ANGPTL6: variants seen among roughly 807,000 people sequenced by gnomAD.
ANGPTL6 encodes angiopoietin-related protein 6.
A neutral mutation model predicts 47.4 loss-of-function variants in ANGPTL6; 45 were observed. That is an observed-to-expected ratio of 0.95 (90% CI 0.75 to 1.22). The LOEUF is 1.22. ANGPTL6 is among the 50% of genes most tolerant of loss of function. ANGPTL6 has a pLI of 0.00. For synonymous variants in ANGPTL6, 290 were observed against 295.9 expected (o/e 0.98, Z 0.20); for missense variants, 698 against 669.4 (o/e 1.04, Z -0.47).
Position 10,092,786 on chromosome 19 carries a change from G to GGA in ANGPTL6, c.1223-9_1223-8dup, listed in dbSNP as rs759925335. 6 of 1,587,458 alleles carry GGA rather than the reference G, an allele frequency of 3.8e-6. No homozygotes were observed. Among genetic ancestry groups the GGA allele is most frequent in the East Asian group, 2.3e-5 (1 of 44,248 alleles). On this transcript the variant is annotated splice_polypyrimidine_tract_variant and splice_region_variant and intron_variant, in intron 5 of 5. Coordinates refer to ENST00000253109, the MANE Select transcript of ANGPTL6 (RefSeq NM_031917.3). ...TGGTACAGGGCACAGTTACCTGAGG[G>GGA]GAGAGAGAGAGTCCATGTCCTCTCA...
intron 1 of ANGPTL6, among the ~76,000 whole-genome samples, chr19:10,099,395 T>C: frequency 6.6e-6 from 1 of 151,846 alleles, no homozygotes; most frequent in East Asian, 1.9e-4. Flanking sequence ...GCTAACACAG[T>C]GAAACCCCGT....
Position 10,096,469 on chromosome 19 carries a change from A to ACGAAGGTGTAGGTGCAGCG in ANGPTL6, c.76_94dup (p.Val32AlafsTer187). On this transcript the variant is annotated frameshift_variant, in exon 2 of 6. Coordinates refer to ENST00000253109, the MANE Select transcript of ANGPTL6 (RefSeq NM_031917.3). LOFTEE classifies it high-confidence loss of function. ...GCCCGTGAACTTCTGCGGGGGCAGC[A>ACGAAGGTGTAGGTGCAGCG]CGAAGGTGTAGGTGCAGCGCGGGGC... The ACGAAGGTGTAGGTGCAGCG allele has an allele frequency of 6.7e-7, 1 of 1,489,840 alleles. No individual in the cohort carries two copies. The highest frequency in any genetic ancestry group is 1.2e-5 in the South Asian group (1 of 80,604). 92.3% of individuals were successfully genotyped at this position (1,489,840 alleles called of 1,614,324 possible). A position where few individuals can be genotyped will look rare whatever the true frequency, so the allele number is the denominator to read the frequency against.
Position 10,096,015 on chromosome 19 carries a change from G to A in ANGPTL6, c.549C>T (p.Arg183=). 1 of 1,365,162 alleles carries A rather than the reference G, an allele frequency of 7.3e-7. No individual in the cohort carries two copies. Among genetic ancestry groups the A allele is most frequent in the Non-Finnish European group, 9.5e-7 (1 of 1,054,056 alleles). The allele number at this position is 1,365,162 out of a possible 1,614,324, so 84.6% of individuals were successfully genotyped here. The part of the protein sequence containing the change: ...QQSSLIARLE[R]LCPGGAGGQQ... ...GCCCGCCCGCGCCTCCCGGGCACAG[G>A]CGCTCCAGGCGGGCGATGAGACTGC... Residue 183 remains arginine (R), a synonymous_variant, in exon 2 of 6, where the codon CGC becomes CGT. Coordinates refer to ENST00000253109, the MANE Select transcript of ANGPTL6 (RefSeq NM_031917.3).
At chr19:10,103,230 A>T (rs1433822489), upstream of ANGPTL6, among the ~76,000 whole-genome samples, 1 of 151,628 alleles carries the variant, frequency 6.6e-6, no homozygotes, top group African/African-American at 2.4e-5. Context: ...GCTGTCACAC[A>T]CATATGGGCA....
At chr19:10,096,610 C>A (rs1233694777) in intron 1 of ANGPTL6, 37 bp from the exon 2 acceptor site, 3 of 1,431,722 alleles carry the variant, frequency 2.1e-6, no homozygotes, top group Non-Finnish European at 1.8e-6. Flanking sequence ...AGACGGGGTG[C>A]TGGGGCCCAG....
At position 10,096,080 on chromosome 19, in the gene ANGPTL6, C is replaced by T; in HGVS notation, c.484G>A (p.Val162Ile). 6.7e-7 allele frequency: 1 copy of T among 1,492,478 alleles called. No homozygotes were observed. Among genetic ancestry groups the T allele is most frequent in the Non-Finnish European group, 8.9e-7 (1 of 1,122,870 alleles). The allele number at this position is 1,492,478 out of a possible 1,614,324, so 92.5% of individuals were successfully genotyped here. A position where few individuals can be genotyped will look rare whatever the true frequency, so the allele number is the denominator to read the frequency against. The change falls in exon 2 of 6, where the codon GTC becomes ATC. Residue 162 changes from valine (V) to isoleucine (I), a missense_variant. By Grantham distance (29) the Val-to-Ile change is conservative. Transcript: ENST00000253109. ...RAAARFHQLD[V>I]KFRELAQLVT... ...AGCTGCGCCAGCTCGCGGAACTTGA[C>T]GTCCAGCTGGTGGAACCGGGCGGCT...
chr19:10,103,418 C>T (rs554096165), upstream of ANGPTL6, among the ~76,000 whole-genome samples: 49 of 151,508 alleles, frequency 3.2e-4, no homozygotes, highest in African/African-American at 1.1e-3. Flanking sequence ...GCTAAAACCC[C>T]GTCTCTACTA....
At chr19:10,094,976 C>T (rs2088494326) in intron 2 of ANGPTL6, 38 bp from the exon 3 acceptor site, 3 of 1,553,794 alleles carry the variant, frequency 1.9e-6, no homozygotes, top group Non-Finnish European at 2.6e-6. Context: ...ATTGCACTAA[C>T]CCTCAGGCCA....
At chr19:10,093,947 AAGATTCTCACAGGTCCTCTCACC>A in intron 3 of ANGPTL6, 67 bp from the exon 4 acceptor site, 1 of 1,529,840 alleles carries the variant, frequency 6.5e-7, no homozygotes, top group Non-Finnish European at 8.9e-7. Flanking sequence ...AGCAAGAGTC[AAGATTCTCACAGGTCCTCTCACC>A]AGAATAAGAG....
chr19:10,104,018 G>A (rs540598217), upstream of ANGPTL6, among the ~76,000 whole-genome samples: 24 of 150,582 alleles, frequency 1.6e-4, no homozygotes, highest in Admixed American at 2.6e-4. Flanking sequence ...GCTTGAACCC[G>A]GGGGGCGGAG....
rs1275820233 is a variant in ANGPTL6 at position 10,102,666 on chromosome 19, G to A, written c.-109C>T. On this transcript the variant is annotated 5_prime_UTR_variant, in exon 1 of 6. Transcript: ENST00000253109. ...CAGTGGGGCCTCTGAGCTAGAGACG[G>A]GGAGAGGGCAGTGGGACAGAAGGAG... 8.1e-6 allele frequency: 8 copies of A among 984,710 alleles called. No homozygotes were observed. The African/African-American group carries it at 1.2e-4, about 15-fold the overall frequency. The allele number at this position is 984,710 out of a possible 1,614,324, so 61.0% of individuals were successfully genotyped here.
chr19:10,093,358 A>C lies in ANGPTL6; in HGVS notation c.1213T>G (p.Ser405Ala), dbSNP rs180970213. ...PFSTVDRDRD[S>A]YSGNCALYQR... Reference sequence around the variant, plus strand: ...TAGGAGTTCTCCTTACCAGAATAGGAGTCTCGGTCCCTATCCACGGTGCTG... The same window carrying C: ...TAGGAGTTCTCCTTACCAGAATAGGCGTCTCGGTCCCTATCCACGGTGCTG... The change falls in exon 5 of 6, where the codon TCC becomes GCC. Residue 405 changes from serine (S) to alanine (A), a missense_variant. By Grantham distance (99) the Ser-to-Ala change is moderately conservative (BLOSUM62 1). Coordinates refer to ENST00000253109, the MANE Select transcript of ANGPTL6 (RefSeq NM_031917.3). 2 of 1,612,722 alleles carry C rather than the reference A, an allele frequency of 1.2e-6. No homozygotes were observed. The highest frequency in any genetic ancestry group is 4.5e-5 in the East Asian group (2 of 44,824).
chr19:10,094,580 C>T (rs1259955026), intron 3 of ANGPTL6, 178 bp downstream of exon 3: 2 of 769,254 alleles, frequency 2.6e-6, no homozygotes, highest in Non-Finnish European at 4.2e-6. Flanking sequence ...AGTAAGAGTC[C>T]CTCCTCTTCT....
chr19:10,095,033 C>G, intron 2 of ANGPTL6, 95 bp from the exon 3 acceptor site: 2 of 1,279,526 alleles, frequency 1.6e-6, no homozygotes, highest in Non-Finnish European at 2.1e-6. Flanking sequence ...TCTCCCAGCT[C>G]CCAAATGACC....
chr19:10,103,178 G>A (rs1033527612), upstream of ANGPTL6, among the ~76,000 whole-genome samples: 1 of 151,764 alleles, frequency 6.6e-6, no homozygotes, highest in African/African-American at 2.4e-5. Context: ...ATGGGAGCCA[G>A]CCAAGGTAGC....
At chr19:10,102,914 G>T, upstream of ANGPTL6, 1 of 447,624 alleles carries the variant, frequency 2.2e-6, no homozygotes, top group Non-Finnish European at 3.0e-6. Context: ...CCCAGAGCGT[G>T]GGAGGCTGCA....
At chr19:10,102,478 G>A (rs8109578) in intron 1 of ANGPTL6, 90 bp downstream of exon 1, 78,686 of 819,958 alleles carry the variant, frequency 0.096, 4,523 homozygotes, top group Non-Finnish European at 0.1. Context: ...GCCTGGGGTG[G>A]CGGGGTGGCC....
intron 3 of ANGPTL6, 141 bp downstream of exon 3, chr19:10,094,617 C>T (rs574514131): frequency 2.8e-6 from 3 of 1,066,898 alleles, no homozygotes; most frequent in Non-Finnish European, 4.2e-6. Flanking sequence ...ATTTTCACAC[C>T]TTAGAAGTTT....
At chr19:10,096,625 A>AC (rs1048163957) in intron 1 of ANGPTL6, 52 bp from the exon 2 acceptor site, 63 of 1,332,732 alleles carry the variant, frequency 4.7e-5, no homozygotes, top group Non-Finnish European at 5.9e-5. Flanking sequence ...GCCCAGCGAG[A>AC]CCCCTCCGCT....
Sources: allele counts gnomAD v4.1 joint callset (sites outside exome capture counted in the v4.1 genomes callset), GRCh38; gene constraint gnomAD v4.1.1; transcripts MANE v1.5; gene names NCBI Gene and HGNC (gene_info 2026-07-23, HGNC 2026-07-21).